PARD3B: variants seen among roughly 807,000 people sequenced by gnomAD.
The protein encoded by PARD3B is par-3 family cell polarity regulator beta.
In PARD3B, 103 loss-of-function variants were observed where a neutral mutation model predicts 130.2. That is an observed-to-expected ratio of 0.79 (90% CI 0.67 to 0.93). The LOEUF is 0.93. PARD3B is among the 40% of genes least tolerant of loss of function. PARD3B has a pLI of 0.00. For synonymous variants in PARD3B, 583 were observed against 553.2 expected (o/e 1.05, Z -0.76); for missense variants, 1,609 against 1,499.2 (o/e 1.07, Z -1.21).
At chr2:205,556,902 A>G (rs1472645160) in intron 22 of PARD3B, among the ~76,000 whole-genome samples, 2 of 152,084 alleles carry the variant, frequency 1.3e-5, no homozygotes, top group African/African-American at 2.4e-5. Flanking sequence ...CCAGCCTGCC[A>G]GCCGCTCGCA....
intron 4 of PARD3B, among the ~76,000 whole-genome samples, chr2:205,070,805 G>A (rs1393690217): frequency 6.6e-6 from 1 of 152,094 alleles, no homozygotes; most frequent in Non-Finnish European, 1.5e-5. Flanking sequence ...ACTACGTCCA[G>A]TTACTGTCAA....
rs2039384812 is a variant in PARD3B at position 205,242,275 on chromosome 2, T to C, written c.2141-3503T>C. Among the ~76,000 whole-genome samples the C allele has an allele frequency of 2.0e-5, 3 of 152,188 alleles. 1 individual carries two copies. In the South Asian group the frequency reaches 6.2e-4, roughly 31 times the overall value. On this transcript the variant is annotated intron_variant, in intron 15 of 22. Transcript: ENST00000406610. The stretch of plus-strand genomic sequence containing the variant: ...TAGTGTTTGATATAATTTCAAATTG[T>C]CAATTAAAATAATGATAAGTATAAG...
chr2:205,534,988 C>G (rs1338617599), intron 21 of PARD3B, among the ~76,000 whole-genome samples: 1 of 152,092 alleles, frequency 6.6e-6, no homozygotes, highest in Non-Finnish European at 1.5e-5. Context: ...CAAATTTGTT[C>G]AAAATCGGGA....
chr2:204,680,883 G>C (rs1261176572), intron 1 of PARD3B, among the ~76,000 whole-genome samples: 1 of 151,922 alleles, frequency 6.6e-6, no homozygotes, highest in African/African-American at 2.4e-5. Context: ...CACGTTCCAT[G>C]TACACTTATA....
intron 10 of PARD3B, among the ~76,000 whole-genome samples, chr2:205,156,412 T>C (rs1041221659): frequency 1.3e-5 from 2 of 151,462 alleles, no homozygotes; most frequent in African/African-American, 4.9e-5. Flanking sequence ...TAAAGTATAA[T>C]AATAATAAAA....
At chr2:205,157,692 A>G (rs751812774) in intron 10 of PARD3B, among the ~76,000 whole-genome samples, 9 of 152,176 alleles carry the variant, frequency 5.9e-5, no homozygotes, top group Non-Finnish European at 1.2e-4. Flanking sequence ...GAGTCTCTAG[A>G]TATAATTATA....
At chr2:205,546,308 G>A (rs78581049) in intron 21 of PARD3B, among the ~76,000 whole-genome samples, 1 of 152,080 alleles carries the variant, frequency 6.6e-6, no homozygotes, top group African/African-American at 2.4e-5. Context: ...AAATCCAGGC[G>A]TAAGTTCTAA....
At chr2:205,412,632 A>T (rs2046639134) in intron 19 of PARD3B, among the ~76,000 whole-genome samples, 1 of 152,104 alleles carries the variant, frequency 6.6e-6, no homozygotes, top group African/African-American at 2.4e-5. Context: ...TAACCTTTCT[A>T]ATCATAATTT....
chr2:205,297,359 C>T (rs1378579946), intron 16 of PARD3B, among the ~76,000 whole-genome samples: 2 of 152,118 alleles, frequency 1.3e-5, no homozygotes, highest in African/African-American at 4.8e-5. Context: ...ATTTTCTACG[C>T]ACCATCAACC....
chr2:205,508,977 TG>T (rs1345956269), intron 21 of PARD3B, among the ~76,000 whole-genome samples: 3 of 151,858 alleles, frequency 2.0e-5, no homozygotes, highest in African/African-American at 7.3e-5. Context: ...TTTTTTTTTT[TG>T]GTTAGTGGCT....
At chr2:205,025,424 C>G (rs1356876996) in intron 3 of PARD3B, among the ~76,000 whole-genome samples, 2 of 152,162 alleles carry the variant, frequency 1.3e-5, no homozygotes, top group Non-Finnish European at 2.9e-5. Flanking sequence ...AATGGCTCAC[C>G]ACTAACATCA....
intron 2 of PARD3B, among the ~76,000 whole-genome samples, chr2:204,811,226 A>C (rs2042950391): frequency 6.6e-6 from 1 of 151,890 alleles, no homozygotes; most frequent in South Asian, 2.1e-4. Context: ...CTAGTGGCCT[A>C]TCTTATTAAT....
chr2:204,780,650 G>A (rs558844939), intron 2 of PARD3B, among the ~76,000 whole-genome samples: 1 of 152,178 alleles, frequency 6.6e-6, no homozygotes, highest in African/African-American at 2.4e-5. Context: ...TAATTCTTAA[G>A]ACTGCCATTT....
At chr2:205,093,796 G>C (rs768032897) in intron 4 of PARD3B, among the ~76,000 whole-genome samples, 3 of 152,062 alleles carry the variant, frequency 2.0e-5, no homozygotes, top group Non-Finnish European at 2.9e-5. Flanking sequence ...TATTTAAATA[G>C]AAATGCATGG....
At chr2:205,090,167 G>A (rs754047010) in intron 4 of PARD3B, among the ~76,000 whole-genome samples, 2 of 152,210 alleles carry the variant, frequency 1.3e-5, no homozygotes, top group Admixed American at 6.5e-5. Context: ...TTCATTAAAA[G>A]TGTGAGGTTG....
At chr2:205,242,576 TC>T (rs1239254975) in intron 15 of PARD3B, among the ~76,000 whole-genome samples, 1 of 152,170 alleles carries the variant, frequency 6.6e-6, no homozygotes, top group Non-Finnish European at 1.5e-5. Flanking sequence ...TGTGGAATGA[TC>T]CATACAATAA....
intron 1 of PARD3B, among the ~76,000 whole-genome samples, chr2:204,572,147 C>T (rs1001683219): frequency 3.3e-5 from 5 of 152,136 alleles, no homozygotes; most frequent in Non-Finnish European, 7.4e-5. Context: ...ACATAGAGAA[C>T]AAAGTACTTT....
intron 1 of PARD3B, among the ~76,000 whole-genome samples, chr2:204,642,406 T>C (rs557856134): frequency 6.8e-4 from 104 of 152,320 alleles, no homozygotes; most frequent in African/African-American, 2.4e-3. Flanking sequence ...TACCTAGGAA[T>C]TTAATGATGT....
chr2:205,581,792 CTG>C (rs1015220831), intron 22 of PARD3B, among the ~76,000 whole-genome samples: 10 of 151,926 alleles, frequency 6.6e-5, no homozygotes, highest in African/African-American at 2.4e-4. Context: ...CATCTAAAAA[CTG>C]TAATTATTTT....
Sources: allele counts gnomAD v4.1 joint callset (sites outside exome capture counted in the v4.1 genomes callset), GRCh38; gene constraint gnomAD v4.1.1; transcripts MANE v1.5; gene names NCBI Gene and HGNC (gene_info 2026-07-23, HGNC 2026-07-21).